Variants in ABCA12 observed in about 807,000 individuals in gnomAD.
The protein encoded by ABCA12 is glucosylceramide transporter ABCA12.
Under a neutral mutation model 293.5 loss-of-function variants are expected in ABCA12, and 156 were observed. The ratio of observed to expected loss-of-function variants is 0.53; its 90% CI spans 0.47 to 0.61. The LOEUF (loss-of-function observed/expected upper bound fraction) is 0.61, where lower values mean the gene tolerates loss of function less well. ABCA12 is among the 20% of genes least tolerant of loss of function. The pLI is 0.00. For missense variants in ABCA12, 2,797 were observed against 3,090.2 expected (o/e 0.91, Z 2.25); for synonymous variants, 1,063 against 1,108.0 (o/e 0.96, Z 0.81).
chr2:215,026,961 A>G, intron 9 of ABCA12, 23 bp from the exon 10 acceptor site: 3 of 1,491,910 alleles, frequency 2.0e-6, no homozygotes, highest in Non-Finnish European at 1.9e-6. Flanking sequence ...AAAAGAATAT[A>G]GAAATTAAGA....
At chr2:215,104,199 G>A (rs1480588091) in intron 2 of ABCA12, among the ~76,000 whole-genome samples, 1 of 152,042 alleles carries the variant, frequency 6.6e-6, no homozygotes, top group East Asian at 1.9e-4. Context: ...AAGCTTGCAA[G>A]GTAGACTACA....
chr2:214,973,942 A>G lies in ABCA12; in HGVS notation c.5562+7T>C, dbSNP rs761427178. 6.2e-7 allele frequency: 1 copy of G among 1,611,990 alleles called. No individual in the cohort carries two copies. The highest frequency in any genetic ancestry group is 8.5e-7 in the Non-Finnish European group (1 of 1,178,184). On this transcript the variant is annotated splice_region_variant and intron_variant, in intron 36 of 52. Transcript: ENST00000272895. ...TCCCATTTCACTGAAACTGAATTCC[A>G]TCTTACCTGGACATTTTCTGAGCAG...
chr2:214,964,786 A>C (rs1019540874), intron 39 of ABCA12, among the ~76,000 whole-genome samples: 1 of 152,238 alleles, frequency 6.6e-6, no homozygotes, highest in African/African-American at 2.4e-5. Context: ...CAATATCGCG[A>C]AAATGGCCAT....
chr2:215,054,538 G>T (rs761307514), intron 4 of ABCA12, 35 bp downstream of exon 4: 2 of 1,517,418 alleles, frequency 1.3e-6, no homozygotes, highest in East Asian at 2.3e-5. Context: ...GTTCCATAAG[G>T]CTTGTTCTGA....
At chr2:215,055,898 T>G (rs1452410810) in intron 3 of ABCA12, among the ~76,000 whole-genome samples, 1 of 152,042 alleles carries the variant, frequency 6.6e-6, no homozygotes, top group African/African-American at 2.4e-5. Flanking sequence ...CAGGTAAAAA[T>G]AAGAAATGAC....
chr2:214,975,695 T>C (rs1699498129), intron 34 of ABCA12, 90 bp downstream of exon 34: 1 of 1,548,926 alleles, frequency 6.5e-7, no homozygotes, highest in African/African-American at 1.4e-5. Context: ...AAGTACTTTA[T>C]TCTCCAGATC....
intron 2 of ABCA12, among the ~76,000 whole-genome samples, chr2:215,091,364 A>C (rs2106106676): frequency 6.6e-6 from 1 of 152,264 alleles, no homozygotes; most frequent in South Asian, 2.1e-4. Flanking sequence ...AGCCCTCCCC[A>C]ACCTGCCCAA....
intron 6 of ABCA12, among the ~76,000 whole-genome samples, chr2:215,047,153 G>A (rs1360332691): frequency 6.6e-6 from 1 of 152,098 alleles, no homozygotes; most frequent in Admixed American, 6.5e-5. Context: ...TGGGTTGATA[G>A]GTGCAGCAAA....
At position 214,956,685 on chromosome 2, in the gene ABCA12, A is replaced by G; in HGVS notation, c.6211T>C (p.Ser2071Pro). 6.2e-7 allele frequency: 1 copy of G among 1,613,414 alleles called. No homozygotes were observed. Among genetic ancestry groups the G allele is most frequent in the Non-Finnish European group, 8.5e-7 (1 of 1,179,500 alleles). Residue 2071 changes from serine (S) to proline (P), a missense_variant, in exon 42 of 53, where the codon TCT becomes CCT. Ser to Pro is a moderately conservative substitution (Grantham distance 74, BLOSUM62 -1). Around this residue, in one of 3 missense-constraint regions of ABCA12, gnomAD observed 2,130 missense variants for 2,427.0 expected, o/e 0.88. Coordinates refer to ENST00000272895, the MANE Select transcript of ABCA12 (RefSeq NM_173076.3). ...FYSENNLGAV[S>P]LLLLLFGYAT... Reference sequence around the variant, plus strand: ...TACCCAAACAGGAGAAGTAGGAGAGATACAGCGCCTAGGTTGTTTTCACTG... The same window carrying G: ...TACCCAAACAGGAGAAGTAGGAGAGGTACAGCGCCTAGGTTGTTTTCACTG...
At position 214,991,658 on chromosome 2, in the gene ABCA12, T is replaced by C. The variant is rs76023001; in HGVS notation, c.3295-627A>G. Among the ~76,000 whole-genome samples the C allele has an allele frequency of 6.0e-3, 908 of 152,306 alleles. 10 individuals carry two copies. The highest frequency in any genetic ancestry group is 0.02 in the African/African-American group (851 of 41,556). On this transcript the variant is annotated intron_variant, in intron 23 of 52. Transcript: ENST00000272895. ...CAGTCTAGGTCAATATTTGTCATCC[T>C]TGTTTTCCAAAAAGCCATTTATACA...
At chr2:214,972,128 G>A (rs1224974989) in intron 36 of ABCA12, among the ~76,000 whole-genome samples, 3 of 152,140 alleles carry the variant, frequency 2.0e-5, no homozygotes, top group South Asian at 2.1e-4. Context: ...TTATACACAC[G>A]TTTATTCTGG....
At chr2:214,949,492 A>T (rs974246082) in intron 45 of ABCA12, among the ~76,000 whole-genome samples, 1 of 152,066 alleles carries the variant, frequency 6.6e-6, no homozygotes, top group African/African-American at 2.4e-5. Flanking sequence ...CCAACAAAGT[A>T]ATTATATTTA....
intron 2 of ABCA12, among the ~76,000 whole-genome samples, chr2:215,097,342 A>T (rs1305322692): frequency 6.6e-6 from 1 of 152,096 alleles, no homozygotes; most frequent in African/African-American, 2.4e-5. Context: ...TTTCTAAAAA[A>T]TCTTAGTGCA....
At position 214,965,544 on chromosome 2, in the gene ABCA12, G is replaced by T. The variant is rs559731715; in HGVS notation, c.5884+1304C>A. On this transcript the variant is annotated intron_variant, in intron 39 of 52. Coordinates refer to ENST00000272895, the MANE Select transcript of ABCA12 (RefSeq NM_173076.3). Reference sequence around the variant, plus strand: ...ACTTAAATTTACTGGGGCGAGGGGGGAAGAAAACATTAAAAAGTGGGCAAA... The same window carrying T: ...ACTTAAATTTACTGGGGCGAGGGGGTAAGAAAACATTAAAAAGTGGGCAAA... Among the ~76,000 whole-genome samples, 5 of 151,624 alleles carry T rather than the reference G, an allele frequency of 3.3e-5. No homozygotes were observed. In the East Asian group the frequency reaches 9.7e-4, roughly 29 times the overall value.
chr2:214,986,238 A>G (rs1266886466), intron 28 of ABCA12, among the ~76,000 whole-genome samples: 1 of 152,220 alleles, frequency 6.6e-6, no homozygotes, highest in African/African-American at 2.4e-5. Flanking sequence ...GCCCCAATCA[A>G]TAGTCTCTAC....
intron 2 of ABCA12, among the ~76,000 whole-genome samples, chr2:215,075,950 T>A (rs189595382): frequency 1.3e-5 from 2 of 152,222 alleles, no homozygotes; most frequent in African/African-American, 4.8e-5. Context: ...TCACTCGGGA[T>A]GCTCGAAGTC....
chr2:214,963,511 C>A (rs1208724656), intron 39 of ABCA12, among the ~76,000 whole-genome samples: 6 of 146,748 alleles, frequency 4.1e-5, no homozygotes, highest in Non-Finnish European at 8.9e-5. Flanking sequence ...ACAATGTCTG[C>A]TAAAATTATT....
chr2:215,002,847 A>T (rs1303470807), intron 20 of ABCA12, among the ~76,000 whole-genome samples: 1 of 152,260 alleles, frequency 6.6e-6, no homozygotes, highest in Non-Finnish European at 1.5e-5. Flanking sequence ...ATGTGTAATT[A>T]TACAAACATA....
At chr2:215,028,608 G>C (rs539640699) in intron 9 of ABCA12, among the ~76,000 whole-genome samples, 92 of 152,278 alleles carry the variant, frequency 6.0e-4, no homozygotes, top group African/African-American at 2.2e-3. Context: ...AGGACCAGGA[G>C]AGTGTATTCT....
Sources: allele counts gnomAD v4.1 joint callset (sites outside exome capture counted in the v4.1 genomes callset), GRCh38; gene constraint gnomAD v4.1.1; regional missense constraint gnomAD v4.1.1; transcripts MANE v1.5; gene names NCBI Gene and HGNC (gene_info 2026-07-23, HGNC 2026-07-21).